The following PDE10A variants were observed in gnomAD, a reference collection of about 807,000 sequenced individuals.
PDE10A encodes cAMP and cAMP-inhibited cGMP 3',5'-cyclic phosphodiesterase 10A.
In PDE10A, 39 loss-of-function variants were observed where a neutral mutation model predicts 97.7. The ratio of observed to expected loss-of-function variants is 0.40; its 90% CI spans 0.31 to 0.52. PDE10A has a LOEUF of 0.52. Ranked by LOEUF, PDE10A falls within the 20% of genes least tolerant of loss-of-function variation. The pLI is 0.56. For missense variants in PDE10A, 731 were observed against 1,047.8 expected (o/e 0.70, Z 4.17); for synonymous variants, 371 against 376.8 (o/e 0.98, Z 0.18).
At chr6:165,809,809 C>T (rs910648591) in intron 1 of PDE10A, among the ~76,000 whole-genome samples, 4 of 152,218 alleles carry the variant, frequency 2.6e-5, no homozygotes, top group South Asian at 2.1e-4. Flanking sequence ...AGCCCTGGAA[C>T]GGGCGGCATC....
At position 165,720,454 on chromosome 6, in the gene PDE10A, G is replaced by A. The variant is rs550764192; in HGVS notation, c.-614-176886C>T. 1.1e-4 allele frequency among the ~76,000 whole-genome samples: 16 copies of A among 152,228 alleles called. 1 individual carries two copies. In the East Asian group the frequency reaches 1.9e-3, roughly 18 times the overall value. ...CAGTCCTTCTTGCCTCTTACACAGC[G>A]TTCAACTGGCAACTGTGCACAGCTA... is the stretch of plus-strand genomic sequence containing the variant. On this transcript the variant is annotated intron_variant, in intron 1 of 19. Coordinates refer to the PDE10A transcript ENST00000366882.
chr6:165,544,883 A>G (rs1306832554), intron 1 of PDE10A, among the ~76,000 whole-genome samples: 1 of 151,986 alleles, frequency 6.6e-6, no homozygotes, highest in Non-Finnish European at 1.5e-5. Flanking sequence ...AATGAAAATA[A>G]GATCTCTGGC....
intron 1 of PDE10A, among the ~76,000 whole-genome samples, chr6:165,914,470 T>A (rs1047141505): frequency 3.3e-5 from 5 of 152,130 alleles, no homozygotes; most frequent in African/African-American, 4.8e-5. Flanking sequence ...CCTCACGTTA[T>A]CCCATGGAGA....
At chr6:165,461,028 T>C (rs1446579318) in intron 3 of PDE10A, among the ~76,000 whole-genome samples, 1 of 152,078 alleles carries the variant, frequency 6.6e-6, no homozygotes, top group Non-Finnish European at 1.5e-5. Flanking sequence ...GGCCACTAAG[T>C]AAAGAGGAAC....
At chr6:165,486,465 A>G (rs1178190787) in intron 2 of PDE10A, among the ~76,000 whole-genome samples, 1 of 152,218 alleles carries the variant, frequency 6.6e-6, no homozygotes, top group African/African-American at 2.4e-5. Flanking sequence ...TCGCTTCTGA[A>G]TGTGAGTCTG....
At chr6:165,508,907 G>C (rs1363668506) in intron 2 of PDE10A, among the ~76,000 whole-genome samples, 1 of 152,086 alleles carries the variant, frequency 6.6e-6, no homozygotes, top group East Asian at 1.9e-4. Flanking sequence ...ATCAAAGAAA[G>C]TTCCTCATAA....
At chr6:165,741,311 T>C (rs1299286396) in intron 1 of PDE10A, among the ~76,000 whole-genome samples, 2 of 152,188 alleles carry the variant, frequency 1.3e-5, no homozygotes, top group East Asian at 3.8e-4. Context: ...TATATGTACG[T>C]TTGAAAAATT....
chr6:165,426,556 A>T (rs1789181350), intron 10 of PDE10A, among the ~76,000 whole-genome samples: 1 of 152,186 alleles, frequency 6.6e-6, no homozygotes, highest in African/African-American at 2.4e-5. Flanking sequence ...AATTCTCATG[A>T]TCTCTAATTT....
At chr6:165,553,944 G>A (rs956879550) in intron 1 of PDE10A, among the ~76,000 whole-genome samples, 4 of 152,060 alleles carry the variant, frequency 2.6e-5, no homozygotes, top group Admixed American at 6.5e-5. Context: ...GTCTCAAATG[G>A]AGACAAGACA....
At chr6:165,808,686 C>A (rs1000337137) in intron 1 of PDE10A, among the ~76,000 whole-genome samples, 1 of 152,194 alleles carries the variant, frequency 6.6e-6, no homozygotes, top group African/African-American at 2.4e-5. Context: ...AACTCCCTGG[C>A]AGAGCAGAGA....
chr6:165,774,831 C>CTTTTTTTTTTTTTTTTTTTTTTTTTT (rs5881660), intron 1 of PDE10A: 2 of 107,886 alleles, frequency 1.9e-5, no homozygotes, highest in African/African-American at 3.4e-5. Context: ...ACTTTTTTTT[C>CTTTTTTTTTTTTTTTTTTTTTTTTTT]TTTTTTTTTT....
chr6:165,539,927 A>AAATC (rs56664263), intron 2 of PDE10A, among the ~76,000 whole-genome samples: 1 of 151,744 alleles, frequency 6.6e-6, no homozygotes. Context: ...CTTTGCTCAA[A>AAATC]AATCAATCAA....
At chr6:165,422,505 A>G (rs145895909) in intron 10 of PDE10A, among the ~76,000 whole-genome samples, 5 of 151,242 alleles carry the variant, frequency 3.3e-5, no homozygotes, top group South Asian at 2.1e-4. Flanking sequence ...ACGTTTACCT[A>G]TAAGTGAAAC....
intron 1 of PDE10A, among the ~76,000 whole-genome samples, chr6:165,649,926 G>A (rs1789591847): frequency 6.6e-6 from 1 of 152,206 alleles, no homozygotes; most frequent in Non-Finnish European, 1.5e-5. Flanking sequence ...AATTGCATCA[G>A]TCAGAAACTG....
At chr6:165,778,980 C>T (rs565706846) in intron 1 of PDE10A, among the ~76,000 whole-genome samples, 28 of 152,226 alleles carry the variant, frequency 1.8e-4, no homozygotes, top group African/African-American at 6.5e-4. Context: ...TGCAATTTCA[C>T]CTTTTTAATG....
chr6:165,449,556 T>C (rs1791136135), intron 4 of PDE10A, among the ~76,000 whole-genome samples: 1 of 152,124 alleles, frequency 6.6e-6, no homozygotes, highest in Non-Finnish European at 1.5e-5. Context: ...GTTTAACCTC[T>C]CTGTTCTATA....
At chr6:165,970,289 T>C (rs1583372512) in intron 1 of PDE10A, among the ~76,000 whole-genome samples, 1 of 152,186 alleles carries the variant, frequency 6.6e-6, no homozygotes, top group East Asian at 1.9e-4. Context: ...AAGATGTTAT[T>C]AGAACAACTG....
At chr6:165,794,359 TCA>T (rs1457334384) in intron 1 of PDE10A, among the ~76,000 whole-genome samples, 9 of 149,374 alleles carry the variant, frequency 6.0e-5, no homozygotes, top group East Asian at 2.0e-4. Context: ...ACACAGATGC[TCA>T]CACACACTCA....
chr6:165,637,327 T>G (rs900713300), intron 1 of PDE10A, among the ~76,000 whole-genome samples: 5 of 152,108 alleles, frequency 3.3e-5, no homozygotes, highest in African/African-American at 1.2e-4. Context: ...GGATGTGGCT[T>G]CCAGAATGTG....
Sources: gnomAD v4.1 joint callset for allele counts (sites outside exome capture counted in the v4.1 genomes callset) on GRCh38, gnomAD v4.1.1 for gene constraint, MANE v1.5 for transcripts, NCBI Gene and HGNC (gene_info 2026-07-23, HGNC 2026-07-21) for gene names.